The following GRAMD4 variants were observed in gnomAD, a reference collection of about 807,000 sequenced individuals.
GRAMD4 encodes GRAM domain-containing protein 4.
Under a neutral mutation model 83.9 loss-of-function variants are expected in GRAMD4, and 25 were observed. The ratio of observed to expected loss-of-function variants is 0.30; its 90% confidence interval spans 0.22 to 0.42. The LOEUF (loss-of-function observed/expected upper bound fraction) is 0.42, where lower values mean the gene tolerates loss of function less well. Among genes scored for constraint, GRAMD4 ranks in the 10% least tolerant of loss-of-function variants. The pLI is 1.00. For synonymous variants in GRAMD4, 336 were observed against 320.9 expected (o/e 1.05, Z -0.50); for missense variants, 593 against 788.7 (o/e 0.75, Z 2.97).
At chr22:46,583,027 C>A (rs951621186) in intron 1 of GRAMD4, among the ~76,000 whole-genome samples, 3 of 152,170 alleles carry the variant, frequency 2.0e-5, no homozygotes, top group Non-Finnish European at 4.4e-5. Flanking sequence ...CGGGTTCAAG[C>A]GATTCTCCTA....
chr22:46,597,795 A>G (rs1412147833), intron 1 of GRAMD4, among the ~76,000 whole-genome samples: 1 of 152,142 alleles, frequency 6.6e-6, no homozygotes, highest in Admixed American at 6.6e-5. Context: ...GGCCTCTGGC[A>G]TGGTTTTAAT....
intron 3 of GRAMD4, among the ~76,000 whole-genome samples, chr22:46,647,023 T>C (rs2082082012): frequency 6.6e-6 from 1 of 152,194 alleles, no homozygotes; most frequent in Admixed American, 6.5e-5. Flanking sequence ...CCCCGTGTTT[T>C]AATTACCTCC....
chr22:46,673,056 C>G (rs1299957507), intron 14 of GRAMD4, 59 bp downstream of exon 14: 1 of 1,388,526 alleles, frequency 7.2e-7, no homozygotes, highest in African/African-American at 1.4e-5. Context: ...GCCGGGCATC[C>G]CCAGGCCCAC....
chr22:46,676,055 C>G (rs770482975), intron 17 of GRAMD4, among the ~76,000 whole-genome samples: 1 of 152,262 alleles, frequency 6.6e-6, no homozygotes, highest in Admixed American at 6.5e-5. Flanking sequence ...GGCAGGCACA[C>G]TTGGCCCGAG....
intron 1 of GRAMD4, among the ~76,000 whole-genome samples, chr22:46,587,316 A>G (rs2081160357): frequency 6.6e-6 from 1 of 152,144 alleles, no homozygotes; most frequent in Admixed American, 6.5e-5. Context: ...ATCATTTCAC[A>G]CATTCTCCAC....
chr22:46,615,568 T>C (rs1423939360), upstream of GRAMD4, among the ~76,000 whole-genome samples: 9 of 138,764 alleles, frequency 6.5e-5, no homozygotes, highest in South Asian at 2.4e-4. Flanking sequence ...CCTGTGCGTG[T>C]AGGTTCCCCT....
chr22:46,578,650 G>A (rs1440647460), intron 1 of GRAMD4, among the ~76,000 whole-genome samples: 1 of 152,116 alleles, frequency 6.6e-6, no homozygotes, highest in Non-Finnish European at 1.5e-5. Context: ...TGGCCAGGGT[G>A]TGTGTTCAGT....
chr22:46,656,406 C>T (rs1418340653), intron 3 of GRAMD4, among the ~76,000 whole-genome samples: 1 of 152,192 alleles, frequency 6.6e-6, no homozygotes, highest in African/African-American at 2.4e-5. Flanking sequence ...GTTTACTGAC[C>T]CTAGTCCACC....
At chr22:46,641,156 T>A (rs996360646) in intron 3 of GRAMD4, among the ~76,000 whole-genome samples, 1 of 152,104 alleles carries the variant, frequency 6.6e-6, no homozygotes, top group Non-Finnish European at 1.5e-5. Context: ...CACTGTAACC[T>A]TTGCCTGCCG....
chr22:46,595,099 A>G (rs2081248484), intron 1 of GRAMD4, among the ~76,000 whole-genome samples: 1 of 152,064 alleles, frequency 6.6e-6, no homozygotes, highest in Non-Finnish European at 1.5e-5. Flanking sequence ...TCCCAGCCCC[A>G]CATGCGGCCC....
chr22:46,637,462 C>G (rs546494670), intron 2 of GRAMD4, among the ~76,000 whole-genome samples: 1 of 152,156 alleles, frequency 6.6e-6, no homozygotes, highest in Non-Finnish European at 1.5e-5. Context: ...ACCGTGGTCT[C>G]GATCTCCTGA....
chr22:46,676,694 A>G, intron 18 of GRAMD4, 26 bp downstream of exon 18: 2 of 1,544,348 alleles, frequency 1.3e-6, no homozygotes, highest in Non-Finnish European at 1.7e-6. Flanking sequence ...GGGGCCGCCA[A>G]GGGGTTGGTG....
At chr22:46,666,895 G>C in intron 10 of GRAMD4, 22 bp downstream of exon 10, 2 of 1,530,356 alleles carry the variant, frequency 1.3e-6, no homozygotes, top group Non-Finnish European at 1.8e-6. Flanking sequence ...GAGGGTGCAC[G>C]GTCTCCTCCG....
intron 1 of GRAMD4, among the ~76,000 whole-genome samples, chr22:46,580,851 C>T (rs536115676): frequency 4.5e-4 from 69 of 151,792 alleles, no homozygotes; most frequent in Middle Eastern, 3.4e-3. Flanking sequence ...TCTGTCATCC[C>T]AGCTACTTGG....
chr22:46,582,295 C>G (rs2081106090), intron 1 of GRAMD4, among the ~76,000 whole-genome samples: 1 of 152,122 alleles, frequency 6.6e-6, no homozygotes, highest in African/African-American at 2.4e-5. Context: ...CACCAAACTC[C>G]CGAGAAGCTG....
At chr22:46,636,263 G>A (rs529487374) in intron 2 of GRAMD4, among the ~76,000 whole-genome samples, 28 of 152,294 alleles carry the variant, frequency 1.8e-4, no homozygotes, top group African/African-American at 6.7e-4. Flanking sequence ...GGCTCCGCTG[G>A]CCTCCCAGAA....
chr22:46,674,944 C>G (rs896553040), intron 16 of GRAMD4, among the ~76,000 whole-genome samples, 194 bp downstream of exon 16: 3 of 152,234 alleles, frequency 2.0e-5, no homozygotes, highest in Admixed American at 2.0e-4. Flanking sequence ...GTGGCCTGGG[C>G]TGTACTGCTG....
chr22:46,586,950 C>T (rs1384901953), intron 1 of GRAMD4, among the ~76,000 whole-genome samples: 3 of 152,140 alleles, frequency 2.0e-5, no homozygotes, highest in African/African-American at 7.2e-5. Context: ...GAAGCAACAC[C>T]CACACCCCGT....
intron 1 of GRAMD4, among the ~76,000 whole-genome samples, chr22:46,599,315 T>TACACA (rs2081290417): frequency 6.6e-6 from 1 of 151,976 alleles, no homozygotes; most frequent in Non-Finnish European, 1.5e-5. Context: ...TGCTTTTAGA[T>TACACA]ACTAAGTTGT....
Sources: gnomAD v4.1 joint callset for allele counts (sites outside exome capture counted in the v4.1 genomes callset) on GRCh38, gnomAD v4.1.1 for gene constraint, MANE v1.5 for transcripts, NCBI Gene and HGNC (gene_info 2026-07-23, HGNC 2026-07-21) for gene names.